The following ATXN7L1 variants were observed in gnomAD, a reference collection of about 807,000 sequenced individuals.
ATXN7L1 encodes the protein ataxin-7-like protein 1.
ATXN7L1 carries 15 observed loss-of-function variants against 70.8 expected under a neutral mutation model. The ratio of observed to expected loss-of-function variants is 0.21; its 90% CI spans 0.14 to 0.33. The LOEUF (loss-of-function observed/expected upper bound fraction) is 0.33, where lower values mean the gene tolerates loss of function less well. ATXN7L1 is among the 10% of genes least tolerant of loss of function. The pLI is 1.00. For missense variants in ATXN7L1, 975 were observed against 1,097.1 expected (o/e 0.89, Z 1.57); for synonymous variants, 440 against 445.1 (o/e 0.99, Z 0.14).
intron 2 of ATXN7L1, among the ~76,000 whole-genome samples, chr7:105,813,990 T>C (rs1213599637): frequency 6.6e-6 from 1 of 152,146 alleles, no homozygotes; most frequent in Non-Finnish European, 1.5e-5. Context: ...CCCTCTAGCC[T>C]CAATCCTTTC....
intron 4 of ATXN7L1, among the ~76,000 whole-genome samples, chr7:105,649,008 C>G (rs1453697934): frequency 6.7e-6 from 1 of 150,284 alleles, no homozygotes; most frequent in Non-Finnish European, 1.5e-5. Context: ...ACACTGTTTG[C>G]TTAGGTGACA....
intron 3 of ATXN7L1, among the ~76,000 whole-genome samples, chr7:105,783,883 G>A (rs1803889769): frequency 6.6e-6 from 1 of 152,160 alleles, no homozygotes; most frequent in Non-Finnish European, 1.5e-5. Context: ...ACTTGTGACT[G>A]GCATCTGAAG....
intron 3 of ATXN7L1, among the ~76,000 whole-genome samples, chr7:105,678,636 A>G (rs1805074886): frequency 6.6e-6 from 1 of 152,218 alleles, no homozygotes; most frequent in Non-Finnish European, 1.5e-5. Context: ...AGATAAGTGC[A>G]CTGAGTAGAT....
At chr7:105,796,056 G>T (rs13229009) in intron 2 of ATXN7L1, among the ~76,000 whole-genome samples, 28,465 of 152,170 alleles carry the variant, frequency 0.19, 3,305 homozygotes, top group South Asian at 0.41. Context: ...GAAGGTAGAT[G>T]TGAGCTCTAC....
At chr7:105,815,092 GA>G (rs1465897072) in intron 2 of ATXN7L1, among the ~76,000 whole-genome samples, 1 of 152,172 alleles carries the variant, frequency 6.6e-6, no homozygotes, top group Non-Finnish European at 1.5e-5. Flanking sequence ...CCTCTTCAGG[GA>G]AAAGATGTGA....
chr7:105,735,926 T>C (rs1269105157), intron 3 of ATXN7L1, among the ~76,000 whole-genome samples: 2 of 152,206 alleles, frequency 1.3e-5, no homozygotes, highest in Admixed American at 1.3e-4. Flanking sequence ...TGATATTGTT[T>C]TATGGTAAGA....
Position 105,607,980 on chromosome 7 carries a change from C to T in ATXN7L1, c.2548-90G>A, listed in dbSNP as rs970614275. The T allele has an allele frequency of 4.9e-6, 6 of 1,213,196 alleles. No homozygotes were observed. The African/African-American group carries it at 9.1e-5, about 18-fold the overall frequency. 75.2% of individuals were successfully genotyped at this position (1,213,196 alleles called of 1,614,324 possible). A position where few individuals can be genotyped will look rare whatever the true frequency, so the allele number is the denominator to read the frequency against. ...AAGGATGGAGACTTAGTTTTCTCAT[C>T]TATAATAGAAAGGACAATATCCCAC... On this transcript the variant is annotated intron_variant, in intron 11 of 11. Transcript: ENST00000419735.
chr7:105,795,952 T>A (rs1037357502), intron 2 of ATXN7L1, among the ~76,000 whole-genome samples: 2 of 152,224 alleles, frequency 1.3e-5, no homozygotes, highest in Non-Finnish European at 2.9e-5. Context: ...ATTTAAACAT[T>A]ATGCTTTTCA....
chr7:105,715,409 T>C (rs1794420143), intron 3 of ATXN7L1, among the ~76,000 whole-genome samples: 1 of 152,246 alleles, frequency 6.6e-6, no homozygotes, highest in African/African-American at 2.4e-5. Flanking sequence ...GCCTCGGTAC[T>C]TCCTCAGAGC....
At chr7:105,873,901 CAGATCACGAGGTCAAGAGATCA>C (rs1473136471) in intron 2 of ATXN7L1, among the ~76,000 whole-genome samples, 6 of 152,010 alleles carry the variant, frequency 3.9e-5, no homozygotes, top group Non-Finnish European at 1.5e-5. Context: ...GCCAAGTGGG[CAGATCACGAGGTCAAGAGATCA>C]AGACCATCCT....
At chr7:105,701,640 T>G (rs1486683953) in intron 3 of ATXN7L1, among the ~76,000 whole-genome samples, 1 of 152,218 alleles carries the variant, frequency 6.6e-6, no homozygotes, top group Non-Finnish European at 1.5e-5. Context: ...AGTCAAACTT[T>G]CAGAAGAGTT....
At chr7:105,830,406 TTTAA>T (rs1811438955) in intron 2 of ATXN7L1, among the ~76,000 whole-genome samples, 1 of 152,264 alleles carries the variant, frequency 6.6e-6, no homozygotes, top group South Asian at 2.1e-4. Context: ...AGAAGAGTTG[TTTAA>T]TTCCCCCTCC....
rs542523960 is a variant in ATXN7L1 at position 105,868,091 on chromosome 7, C to T, written c.250+7721G>A. ...ATTCTCTGGCACTTGGGCCTTTATC[C>T]CTGTCGTTTCCTCTAACTCTGTCCT... On this transcript the variant is annotated intron_variant, in intron 2 of 11. Coordinates refer to ENST00000419735, the MANE Select transcript of ATXN7L1 (RefSeq NM_020725.2). 1.2e-4 allele frequency among the ~76,000 whole-genome samples: 19 copies of T among 152,264 alleles called. No homozygotes were observed. The South Asian group carries it at 3.7e-3, about 30-fold the overall frequency.
intron 2 of ATXN7L1, among the ~76,000 whole-genome samples, chr7:105,869,434 T>C (rs1018992234): frequency 6.6e-6 from 1 of 152,238 alleles, no homozygotes; most frequent in Admixed American, 6.5e-5. Context: ...TAAATCTCCA[T>C]GGCCTGCTGC....
intron 2 of ATXN7L1, among the ~76,000 whole-genome samples, chr7:105,797,624 A>G (rs1806187988): frequency 6.6e-6 from 1 of 152,266 alleles, no homozygotes; most frequent in Non-Finnish European, 1.5e-5. Context: ...TTGTGTTTCC[A>G]CACATGGAAT....
At position 105,824,928 on chromosome 7, in the gene ATXN7L1, A is replaced by G. The variant is rs193299895; in HGVS notation, c.251-36220T>C. Among the ~76,000 whole-genome samples, 465 of 151,836 alleles carry G rather than the reference A, an allele frequency of 3.1e-3. 6 individuals carry two copies. Among genetic ancestry groups the G allele is most frequent in the African/African-American group, 0.01 (429 of 41,496 alleles). On this transcript the variant is annotated intron_variant, in intron 2 of 11. Transcript: ENST00000419735. ...CAGAGTGAGATTCCGTCTCAAAAAA[A>G]AAAAAACAAAAAAATAAAAAAAACA...
chr7:105,642,986 A>C lies in ATXN7L1; in HGVS notation c.714T>G (p.Pro238=), dbSNP rs1048008996. The change falls in exon 5 of 12, where the codon CCT becomes CCG. Residue 238 remains proline, a synonymous_variant. Coordinates refer to ENST00000419735, the MANE Select transcript of ATXN7L1 (RefSeq NM_020725.2). ...ACATCAGGACAGGCTTAATTAAAGG[A>C]GGGGTGGAGACGGCAGAGGACGAGG... ...SSTSSSAVST[P]PLIKPVLMSK... 1 of 1,551,794 alleles carries C rather than the reference A, an allele frequency of 6.4e-7. No homozygotes were observed. Among genetic ancestry groups the C allele is most frequent in the Non-Finnish European group, 8.7e-7 (1 of 1,147,006 alleles).
At chr7:105,669,471 G>GT (rs372225873) in intron 3 of ATXN7L1, among the ~76,000 whole-genome samples, 1 of 152,064 alleles carries the variant, frequency 6.6e-6, no homozygotes, top group Non-Finnish European at 1.5e-5. Flanking sequence ...CTTAATATAA[G>GT]TTTTTTTTGG....
At chr7:105,829,980 G>A (rs915568871) in intron 2 of ATXN7L1, among the ~76,000 whole-genome samples, 1 of 152,188 alleles carries the variant, frequency 6.6e-6, no homozygotes, top group African/African-American at 2.4e-5. Flanking sequence ...CTTCTAAGTA[G>A]GCAGTAATAA....
Sources: gnomAD v4.1 joint callset for allele counts (sites outside exome capture counted in the v4.1 genomes callset) on GRCh38, gnomAD v4.1.1 for gene constraint, MANE v1.5 for transcripts, NCBI Gene and HGNC (gene_info 2026-07-23, HGNC 2026-07-21) for gene names.